The following GTF2F2 variants were observed in gnomAD, a reference collection of about 807,000 sequenced individuals.
GTF2F2 encodes general transcription factor IIF subunit 2.
GTF2F2 carries 23 observed loss-of-function variants against 42.2 expected under a neutral mutation model. That is an observed-to-expected ratio of 0.55 (90% CI 0.39 to 0.77). The LOEUF is 0.77. GTF2F2 is among the 30% of genes least tolerant of loss of function. GTF2F2 has a pLI of 0.00. For synonymous variants in GTF2F2, 105 were observed against 100.8 expected, an observed-to-expected ratio of 1.04 and a Z score of -0.25; for missense variants, 261 against 287.2, an observed-to-expected ratio of 0.91 and a Z score of 0.66.
chr13:45,238,554 C>G (rs2138229314), intron 5 of GTF2F2, among the ~76,000 whole-genome samples: 1 of 152,172 alleles, frequency 6.6e-6, no homozygotes, highest in Middle Eastern at 3.4e-3. Flanking sequence ...TCTTCCCTGT[C>G]ACACACACAT....
Position 45,152,103 on chromosome 13 carries a change from C to A in GTF2F2, c.304+272C>A, listed in dbSNP as rs1044354934. Among the ~76,000 whole-genome samples the A allele has an allele frequency of 3.3e-5, 5 of 151,968 alleles. No homozygotes were observed. In the East Asian group the frequency reaches 9.7e-4, roughly 29 times the overall value. On this transcript the variant is annotated intron_variant, in intron 4 of 7. Transcript: ENST00000340473. ...GCTAATTGTGTGTTTTTAGTAGAGA[C>A]GAGGTTTCTCCATGTTGGTCAGGCT...
At chr13:45,207,357 G>A (rs1873458446) in intron 4 of GTF2F2, 67 bp from the exon 5 acceptor site, 1 of 879,608 alleles carries the variant, frequency 1.1e-6, no homozygotes, top group Non-Finnish European at 1.9e-6. Context: ...ACTGTGTTTA[G>A]TGTGTCAAAA....
At chr13:45,145,122 A>AC (rs1210798628) in intron 2 of GTF2F2, among the ~76,000 whole-genome samples, 2 of 125,196 alleles carry the variant, frequency 1.6e-5, no homozygotes, top group Non-Finnish European at 3.1e-5. Context: ...AAATTAATAA[A>AC]AAAAATTCAT....
chr13:45,153,078 C>T lies in GTF2F2; in HGVS notation c.304+1247C>T, dbSNP rs530932531. On this transcript the variant is annotated intron_variant, in intron 4 of 7. Coordinates refer to ENST00000340473, the MANE Select transcript of GTF2F2 (RefSeq NM_004128.3). The stretch of plus-strand genomic sequence containing the variant: ...CAGCTGGAGTGCAGTGGAGAGATCT[C>T]GGCTCACTGCAAGCTCCGCCTACCG... Among the ~76,000 whole-genome samples, 421 of 149,620 alleles carry T rather than the reference C, an allele frequency of 2.8e-3. 2 individuals carry two copies. Among genetic ancestry groups the T allele is most frequent in the African/African-American group, 9.5e-3 (386 of 40,584 alleles).
intron 4 of GTF2F2, among the ~76,000 whole-genome samples, chr13:45,189,146 T>C (rs553772311): frequency 1.2e-4 from 18 of 152,296 alleles, no homozygotes; most frequent in African/African-American, 3.6e-4. Context: ...AGTGAGAACA[T>C]GTGGTGTTTG....
chr13:45,153,976 C>CA (rs71070960), intron 4 of GTF2F2, among the ~76,000 whole-genome samples: 7,868 of 69,894 alleles, frequency 0.11, 935 homozygotes, highest in African/African-American at 0.28. Flanking sequence ...GACTCAGTCT[C>CA]AAAAAAAAAA....
Position 45,191,227 on chromosome 13 carries a change from ATATAT to A in GTF2F2, c.305-16196_305-16192del, listed in dbSNP as rs1872630913. Among the ~76,000 whole-genome samples, 18 of 116,096 alleles carry A rather than the reference ATATAT, an allele frequency of 1.6e-4. 2 individuals are homozygous for A. Among genetic ancestry groups the A allele is most frequent in the South Asian group, 1.3e-3 (5 of 3,844 alleles). The allele number at this position is 116,096 out of a possible 152,430, so 76.2% of individuals were successfully genotyped here. A position where few individuals can be genotyped will look rare whatever the true frequency, so the allele number is the denominator to read the frequency against. On this transcript the variant is annotated intron_variant, in intron 4 of 7. Coordinates refer to ENST00000340473, the MANE Select transcript of GTF2F2 (RefSeq NM_004128.3). ...TCTACTAAAAATACAAAAAAAAAAT[ATATAT>A]ATATATATATATATATATATATAGC...
At chr13:45,243,039 C>T (rs1313174911) in intron 5 of GTF2F2, among the ~76,000 whole-genome samples, 1 of 152,028 alleles carries the variant, frequency 6.6e-6, no homozygotes, top group Non-Finnish European at 1.5e-5. Context: ...ATTAAATTCT[C>T]AGTATAGTAC....
chr13:45,188,400 A>G (rs1192934596), intron 4 of GTF2F2, among the ~76,000 whole-genome samples: 1 of 152,220 alleles, frequency 6.6e-6, no homozygotes, highest in Non-Finnish European at 1.5e-5. Context: ...ACAGAATTAA[A>G]CATGTGCTTG....
intron 6 of GTF2F2, among the ~76,000 whole-genome samples, chr13:45,266,586 A>G (rs995495136): frequency 1.3e-5 from 2 of 152,242 alleles, no homozygotes; most frequent in Non-Finnish European, 2.9e-5. Context: ...AAACAAAAGC[A>G]CTACACGTTA....
At chr13:45,229,374 C>CT (rs2138216037) in intron 5 of GTF2F2, among the ~76,000 whole-genome samples, 1 of 152,196 alleles carries the variant, frequency 6.6e-6, no homozygotes, top group South Asian at 2.1e-4. Context: ...AAAAGCCTCC[C>CT]TATCCTCCTC....
chr13:45,275,863 T>G (rs976172501), intron 7 of GTF2F2, among the ~76,000 whole-genome samples: 6 of 152,214 alleles, frequency 3.9e-5, no homozygotes, highest in African/African-American at 1.4e-4. Flanking sequence ...TTCTAGATCC[T>G]TGAGGAATCG....
At chr13:45,194,404 G>A (rs1395127903) in intron 4 of GTF2F2, 1 of 1,614,014 alleles carries the variant, frequency 6.2e-7, no homozygotes, top group Admixed American at 1.7e-5. Flanking sequence ...GAAAGTGTCT[G>A]GGTACTTGGT....
intron 1 of GTF2F2, among the ~76,000 whole-genome samples, chr13:45,121,183 A>T (rs1432921979): frequency 2.6e-5 from 4 of 152,228 alleles, no homozygotes; most frequent in African/African-American, 9.6e-5. Context: ...ATGGTCCTTA[A>T]TGAAGCTCTC....
Position 45,120,577 on chromosome 13 carries a change from G to C in GTF2F2, c.-79G>C. 2 of 1,040,802 alleles carry C rather than the reference G, an allele frequency of 1.9e-6. No individual in the cohort carries two copies. Among genetic ancestry groups the C allele is most frequent in the Non-Finnish European group, 2.9e-6 (2 of 685,038 alleles). 64.5% of individuals were successfully genotyped at this position (1,040,802 alleles called of 1,614,324 possible). A position where few individuals can be genotyped will look rare whatever the true frequency, so the allele number is the denominator to read the frequency against. ...CGCCTCTCAGCGCGGCTTGTCCTTTGTTCCGGACGCCCGCTCCTCAGCCCT... is the reference window on the plus strand; with the variant it reads ...CGCCTCTCAGCGCGGCTTGTCCTTTCTTCCGGACGCCCGCTCCTCAGCCCT... On this transcript the variant is annotated 5_prime_UTR_variant, in exon 1 of 8. Transcript: ENST00000340473.
At chr13:45,137,455 T>C (rs1869688554) in intron 2 of GTF2F2, among the ~76,000 whole-genome samples, 1 of 152,220 alleles carries the variant, frequency 6.6e-6, no homozygotes, top group Admixed American at 6.5e-5. Context: ...AGCTTTTGCT[T>C]CATAACAAAC....
At chr13:45,123,092 T>A (rs1433552856) in intron 1 of GTF2F2, 1 of 150,712 alleles carries the variant, frequency 6.6e-6, no homozygotes, top group Non-Finnish European at 1.5e-5. Context: ...AAAAAAAAAA[T>A]GGATGTGAGT....
chr13:45,156,285 G>A (rs1335805993), intron 4 of GTF2F2, among the ~76,000 whole-genome samples: 1 of 152,230 alleles, frequency 6.6e-6, no homozygotes, highest in Non-Finnish European at 1.5e-5. Context: ...AAAAAAGCAT[G>A]TGTACTTTGC....
chr13:45,121,080 G>A (rs1379126343), intron 1 of GTF2F2, among the ~76,000 whole-genome samples: 1 of 152,162 alleles, frequency 6.6e-6, no homozygotes, highest in Non-Finnish European at 1.5e-5. Context: ...ATGAGCCTGC[G>A]TGAGGTAGTT....
Sources: allele counts gnomAD v4.1 joint callset (sites outside exome capture counted in the v4.1 genomes callset), GRCh38; gene constraint gnomAD v4.1.1; transcripts MANE v1.5; gene names NCBI Gene and HGNC (gene_info 2026-07-23, HGNC 2026-07-21).